The following WASF3 variants were observed in gnomAD, a reference collection of about 807,000 sequenced individuals.
The protein encoded by WASF3 is actin-binding protein WASF3.
WASF3 carries 11 observed loss-of-function variants against 46.6 expected under a neutral mutation model. The ratio of observed to expected loss-of-function variants is 0.24; its 90% confidence interval spans 0.15 to 0.39. WASF3 has a LOEUF of 0.39. WASF3 is among the 10% of genes least tolerant of loss of function. WASF3 has a pLI of 1.00. For synonymous variants in WASF3, 242 were observed against 259.7 expected, an observed-to-expected ratio of 0.93 and a Z score of 0.65; for missense variants, 576 against 669.8, an observed-to-expected ratio of 0.86 and a Z score of 1.55.
At chr13:26,637,366 G>A (rs1881859862) in intron 2 of WASF3, among the ~76,000 whole-genome samples, 1 of 152,080 alleles carries the variant, frequency 6.6e-6, no homozygotes, top group Admixed American at 6.5e-5. Context: ...TCAGAATGCT[G>A]GGTTTTCTCT....
At chr13:26,681,644 G>A (rs1318051758) in intron 8 of WASF3, among the ~76,000 whole-genome samples, 3 of 152,108 alleles carry the variant, frequency 2.0e-5, no homozygotes, top group Non-Finnish European at 2.9e-5. Flanking sequence ...AAACCCTCAA[G>A]TTTCTGGACA....
At chr13:26,647,292 C>A (rs1010282957) in intron 3 of WASF3, among the ~76,000 whole-genome samples, 1 of 152,092 alleles carries the variant, frequency 6.6e-6, no homozygotes, top group Non-Finnish European at 1.5e-5. Flanking sequence ...TTGAGTGTTA[C>A]TTCTGATACA....
chr13:26,610,620 G>C (rs1880944285), intron 1 of WASF3, among the ~76,000 whole-genome samples: 1 of 152,208 alleles, frequency 6.6e-6, no homozygotes, highest in East Asian at 1.9e-4. Flanking sequence ...TTGTGACACA[G>C]GGAGTGTAAC....
chr13:26,655,412 T>C (rs1343127841), intron 3 of WASF3, among the ~76,000 whole-genome samples: 2 of 152,204 alleles, frequency 1.3e-5, no homozygotes, highest in African/African-American at 2.4e-5. Context: ...ATGTGTCTGC[T>C]TGTGTCATAA....
At chr13:26,540,454 C>T in the WASF3 span, among the ~76,000 whole-genome samples, 1 of 152,142 alleles carries the variant, frequency 6.6e-6, no homozygotes, top group Non-Finnish European at 1.5e-5. Context: ...TGGCCTGGCT[C>T]CTAATTTCCT....
intron 2 of WASF3, among the ~76,000 whole-genome samples, chr13:26,616,958 A>G (rs1411104617): frequency 6.6e-6 from 1 of 152,216 alleles, no homozygotes; most frequent in Non-Finnish European, 1.5e-5. Flanking sequence ...ACAATTCACC[A>G]ACATCCCTTG....
chr13:26,564,842 G>A (rs898010026), intron 1 of WASF3, among the ~76,000 whole-genome samples: 3 of 148,886 alleles, frequency 2.0e-5, no homozygotes, highest in East Asian at 2.0e-4. Context: ...GAGCCATGTT[G>A]CTCTACTACC....
At chr13:26,546,694 A>G in the WASF3 span, among the ~76,000 whole-genome samples, 1 of 152,380 alleles carries the variant, frequency 6.6e-6, no homozygotes, top group East Asian at 1.9e-4. Context: ...CCTGGGCAAC[A>G]GAGCAAGACT....
chr13:26,681,089 C>T lies in WASF3; in HGVS notation c.752C>T (p.Pro251Leu), dbSNP rs145774948. 725 of 1,614,082 alleles carry T rather than the reference C, an allele frequency of 4.5e-4. 2 individuals are homozygous for T. Among genetic ancestry groups the T allele is most frequent in the South Asian group, 1.1e-3 (97 of 91,048 alleles). ...TCGGACGTTACGGATTACTCTTACC[C>T]GGCTACTCCCAACCATTCTCTGCAC... ...HASDVTDYSYPATPNHSLHPQ... is the reference protein window; with the variant it reads ...HASDVTDYSYLATPNHSLHPQ... The change falls in exon 8 of 10, where the codon CCG (proline) becomes CTG (leucine). Residue 251 changes from proline (P) to leucine (L), a missense_variant. Physicochemically the swap from Pro to Leu is moderately conservative, Grantham distance 98. Around this residue, in one of 3 missense-constraint regions of WASF3, gnomAD observed 295 missense variants for 291.5 expected, o/e 1.01. Transcript: ENST00000335327.
intron 1 of WASF3, among the ~76,000 whole-genome samples, chr13:26,582,460 G>T (rs1880009294): frequency 6.6e-6 from 1 of 152,054 alleles, no homozygotes; most frequent in Non-Finnish European, 1.5e-5. Flanking sequence ...CGGATTGCCT[G>T]AGCTCAGGAG....
Position 26,582,995 on chromosome 13 carries a change from C to T in WASF3, c.-109+25176C>T, listed in dbSNP as rs185652882. Among the ~76,000 whole-genome samples the T allele has an allele frequency of 4.1e-4, 63 of 152,202 alleles. 1 individual carries two copies. In the East Asian group the frequency reaches 0.012, roughly 29 times the overall value. The stretch of plus-strand genomic sequence containing the variant: ...TCAATAAGAAAGATAATGACAGGCA[C>T]CTCTATGGATGCTTAAAATGGGGGC... On this transcript the variant is annotated intron_variant, in intron 1 of 9. Transcript: ENST00000335327.
intron 1 of WASF3, among the ~76,000 whole-genome samples, chr13:26,595,619 A>C (rs1173863047): frequency 1.3e-5 from 2 of 152,134 alleles, no homozygotes; most frequent in Non-Finnish European, 2.9e-5. Context: ...GTACTGTCCC[A>C]TCACCACAAA....
In WASF3 at chr13:26,646,163, A is replaced by G. The variant is rs760894428; in HGVS notation, c.133+3760A>G. ...CACTAGCACATAGTAAATGATGTCA[A>G]TGTTTTGCATGAATCTTCAGTTGTT... On this transcript the variant is annotated intron_variant, in intron 3 of 9. Coordinates refer to ENST00000335327, the MANE Select transcript of WASF3 (RefSeq NM_006646.6). Among the ~76,000 whole-genome samples the G allele has an allele frequency of 2.2e-4, 34 of 152,354 alleles. 1 individual carries two copies. The highest frequency in any genetic ancestry group is 4.6e-4 in the Admixed American group (7 of 15,304).
chr13:26,648,133 A>G (rs1169714287), intron 3 of WASF3, among the ~76,000 whole-genome samples: 2 of 152,192 alleles, frequency 1.3e-5, no homozygotes, highest in African/African-American at 4.8e-5. Flanking sequence ...TTTTTTTAAA[A>G]AAGATTTCTT....
At chr13:26,593,695 A>G (rs895395808) in intron 1 of WASF3, among the ~76,000 whole-genome samples, 1 of 152,236 alleles carries the variant, frequency 6.6e-6, no homozygotes, top group Admixed American at 6.5e-5. Context: ...ACTGCATTTT[A>G]TATTCAGCAC....
intron 3 of WASF3, among the ~76,000 whole-genome samples, chr13:26,661,642 G>T (rs533835167): frequency 6.6e-6 from 1 of 152,244 alleles, no homozygotes; most frequent in African/African-American, 2.4e-5. Context: ...CTCAAGTAGA[G>T]TTGCTGGGTC....
intron 3 of WASF3, among the ~76,000 whole-genome samples, chr13:26,645,488 A>G (rs566460330): frequency 6.6e-6 from 1 of 152,228 alleles, no homozygotes; most frequent in South Asian, 2.1e-4. Flanking sequence ...GATTATCTGT[A>G]GTTTATTAGT....
Position 26,685,777 on chromosome 13 carries a change from C to T in WASF3, c.1441C>T (p.Arg481Cys), listed in dbSNP as rs762162577. 3.7e-6 allele frequency: 6 copies of T among 1,614,188 alleles called. No homozygotes were observed. The highest frequency in any genetic ancestry group is 1.1e-5 in the South Asian group (1 of 91,084). The change falls in exon 10 of 10, where the codon CGC (arginine) becomes TGC (cysteine). Residue 481 changes from arginine to cysteine, a missense_variant. Coordinates refer to ENST00000335327, the MANE Select transcript of WASF3 (RefSeq NM_006646.6). The stretch of plus-strand genomic sequence containing the variant: ...TGACGTGGCCACGATCCTGTCCCGG[C>T]GCATTGCCGTGGAGTACAGCGACTC... ...GNDVATILSR[R>C]IAVEYSDSDD...
chr13:26,677,114 G>A (rs1046539676), intron 7 of WASF3, among the ~76,000 whole-genome samples: 5 of 152,176 alleles, frequency 3.3e-5, no homozygotes, highest in African/African-American at 9.6e-5. Flanking sequence ...ATGATTGGCA[G>A]GTGGTAAAGT....
Sources: allele counts gnomAD v4.1 joint callset (sites outside exome capture counted in the v4.1 genomes callset), GRCh38; gene constraint gnomAD v4.1.1; regional missense constraint gnomAD v4.1.1; transcripts MANE v1.5; gene names NCBI Gene and HGNC (gene_info 2026-07-23, HGNC 2026-07-21).